DMD: variants seen among roughly 807,000 people sequenced by gnomAD.
DMD encodes the protein dystrophin.
A neutral mutation model predicts 330.1 loss-of-function variants in DMD; 63 were observed. The observed-to-expected ratio is 0.19, with a 90% CI of 0.16 to 0.24. The LOEUF (loss-of-function observed/expected upper bound fraction) is 0.24, where lower values mean the gene tolerates loss of function less well. DMD is among the 10% of genes least tolerant of loss of function. The probability of loss-of-function intolerance (pLI) is 1.00; values close to 1 mark genes in which losing one functional copy is unlikely to be tolerated. For missense variants in DMD, 3,344 were observed against 2,684.1 expected (o/e 1.25, Z -5.43); for synonymous variants, 1,223 against 959.8 (o/e 1.27, Z -5.07).
chrX:31,592,319 C>T (rs1603412313), intron 55 of DMD, among the ~76,000 whole-genome samples: 2 of 104,544 alleles, frequency 1.9e-5, no homozygotes, highest in Admixed American at 1.1e-4. Flanking sequence ...TTAAATTTCT[C>T]TAGTAGGCAC....
intron 1 of DMD, among the ~76,000 whole-genome samples, chrX:33,321,162 T>C (rs1473379175): frequency 1.8e-5 from 2 of 111,815 alleles, no homozygotes; most frequent in Admixed American, 9.6e-5. Context: ...ATGTTATTAA[T>C]GGCATCTAGA....
At chrX:33,143,915 A>C (rs945349971) in intron 1 of DMD, among the ~76,000 whole-genome samples, 12 of 111,868 alleles carry the variant, frequency 1.1e-4, no homozygotes, top group African/African-American at 3.9e-4. Context: ...TCTGATGCCA[A>C]AACAAATAAA....
At chrX:32,650,426 T>G (rs1479081285) in intron 9 of DMD, among the ~76,000 whole-genome samples, 1 of 111,519 alleles carries the variant, frequency 9.0e-6, no homozygotes, top group Non-Finnish European at 1.9e-5. Context: ...TCTATAATCT[T>G]TTTACCCCTC....
chrX:32,011,449 G>A (rs2095708034), intron 44 of DMD, among the ~76,000 whole-genome samples: 1 of 111,852 alleles, frequency 8.9e-6, no homozygotes, highest in Admixed American at 9.5e-5. Flanking sequence ...ACATTTCCCA[G>A]ACTCATATGC....
At chrX:31,361,694 G>T (rs2058943567) in intron 60 of DMD, among the ~76,000 whole-genome samples, 2 of 110,369 alleles carry the variant, frequency 1.8e-5, no homozygotes. Flanking sequence ...AGATTCCTGA[G>T]ATTTCAAACA....
At chrX:32,550,958 A>G (rs1429256138) in intron 16 of DMD, among the ~76,000 whole-genome samples, 2 of 111,222 alleles carry the variant, frequency 1.8e-5, no homozygotes, top group African/African-American at 6.5e-5. Context: ...ATCATTGAAC[A>G]GACCAATAAT....
intron 55 of DMD, among the ~76,000 whole-genome samples, chrX:31,521,905 GC>G (rs2072798193): frequency 9.0e-6 from 1 of 111,483 alleles, no homozygotes; most frequent in Admixed American, 9.5e-5. Flanking sequence ...TTGTGGGCTG[GC>G]AGAAAGATGG....
chrX:31,509,999 C>T (rs771331673), intron 55 of DMD, among the ~76,000 whole-genome samples: 1 of 112,069 alleles, frequency 8.9e-6, no homozygotes, highest in Non-Finnish European at 1.9e-5. Flanking sequence ...GCAGAAATGG[C>T]TAAAGTTATC....
At chrX:32,955,228 G>T (rs1459088995) in intron 2 of DMD, among the ~76,000 whole-genome samples, 1 of 111,468 alleles carries the variant, frequency 9.0e-6, no homozygotes, top group Non-Finnish European at 1.9e-5. Flanking sequence ...TTTATTAATA[G>T]CCGTCCTGAC....
At chrX:32,432,888 CTCTGAG>C (rs1167120484) in intron 29 of DMD, among the ~76,000 whole-genome samples, 1 of 112,229 alleles carries the variant, frequency 8.9e-6, no homozygotes, top group Non-Finnish European at 1.9e-5. Context: ...ATACGGCCCT[CTCTGAG>C]TCTATCATAA....
rs191350796 is a variant in DMD, at chrX:31,297,015, G to T, written c.9224+26583C>A. 2.7e-5 allele frequency among the ~76,000 whole-genome samples: 3 copies of T among 111,312 alleles called. No individual in the cohort carries two copies. The Admixed American group carries it at 2.9e-4, about 11-fold the overall frequency. ...GAAAAAATAATCTCTTCTAAAGCCC[G>T]TATTTAATTTTACAATTGTGTATAC... On this transcript the variant is annotated intron_variant, in intron 62 of 78. Coordinates refer to ENST00000357033, the MANE Select transcript of DMD (RefSeq NM_004006.3).
At chrX:32,711,588 TCA>T (rs1413122850) in intron 7 of DMD, among the ~76,000 whole-genome samples, 1 of 112,186 alleles carries the variant, frequency 8.9e-6, no homozygotes, top group Admixed American at 9.5e-5. Context: ...ATTTAATCTC[TCA>T]CTTTTAAACA....
chrX:31,410,333 CAG>C (rs1320779157), intron 60 of DMD, among the ~76,000 whole-genome samples: 2 of 111,600 alleles, frequency 1.8e-5, no homozygotes, highest in Non-Finnish European at 3.8e-5. Context: ...TACTGAGAAA[CAG>C]AGTTTGCTGC....
intron 42 of DMD, among the ~76,000 whole-genome samples, chrX:32,301,954 G>A (rs1300344440): frequency 9.0e-6 from 1 of 111,100 alleles, no homozygotes; most frequent in South Asian, 3.7e-4. Context: ...CAGAATCTTG[G>A]AATAATTTAG....
chrX:31,788,103 G>A (rs1257258125), intron 50 of DMD, among the ~76,000 whole-genome samples: 3 of 112,009 alleles, frequency 2.7e-5, no homozygotes, highest in Non-Finnish European at 3.8e-5. Context: ...TGACAGTTTT[G>A]ATGCACATAC....
At chrX:31,645,939 T>C (rs1424075306) in intron 54 of DMD, among the ~76,000 whole-genome samples, 2 of 111,753 alleles carry the variant, frequency 1.8e-5, no homozygotes, top group Admixed American at 9.5e-5. Flanking sequence ...GAGTTATTAC[T>C]TATTAAGATA....
At chrX:32,791,440 G>T (rs999710787) in intron 7 of DMD, among the ~76,000 whole-genome samples, 23 of 112,056 alleles carry the variant, frequency 2.1e-4, no homozygotes, top group African/African-American at 7.4e-4. Flanking sequence ...ACTGGGGCCT[G>T]AAGACTGGAC....
intron 19 of DMD, among the ~76,000 whole-genome samples, chrX:32,500,474 T>A (rs770341046): frequency 8.9e-6 from 1 of 112,102 alleles, no homozygotes; most frequent in South Asian, 3.7e-4. Flanking sequence ...TAATTCAGTG[T>A]AGGTAAGCTT....
At position 32,830,639 on chromosome X, in the gene DMD, C is replaced by T. The variant is rs1418901037; in HGVS notation, c.265-7252G>A. ...TTCTGTGTGAAAATGTAATAACATG[C>T]CTTGAGTTTTTGCAGAAATAAGTTA... is the stretch of plus-strand genomic sequence containing the variant. On this transcript the variant is annotated intron_variant, in intron 4 of 78. Transcript: ENST00000357033. Among the ~76,000 whole-genome samples the T allele has an allele frequency of 6.3e-5, 7 of 111,458 alleles. No homozygotes were observed. The Admixed American group carries it at 6.7e-4, about 11-fold the overall frequency.
Sources: gnomAD v4.1 joint callset for allele counts (sites outside exome capture counted in the v4.1 genomes callset) on GRCh38, gnomAD v4.1.1 for gene constraint, MANE v1.5 for transcripts, NCBI Gene and HGNC (gene_info 2026-07-23, HGNC 2026-07-21) for gene names.